EPRS1: variants seen among roughly 807,000 people sequenced by gnomAD.
The protein encoded by EPRS1 is bifunctional glutamate/proline--tRNA ligase.
Under a neutral mutation model 188.3 loss-of-function variants are expected in EPRS1, and 107 were observed. The observed-to-expected ratio is 0.57, with a 90% CI of 0.49 to 0.67. EPRS1 has a LOEUF of 0.67. Among genes scored for constraint, EPRS1 ranks in the 30% least tolerant of loss-of-function variants. The probability of loss-of-function intolerance (pLI) is 0.00; values close to 1 mark genes in which losing one functional copy is unlikely to be tolerated. For synonymous variants in EPRS1, 596 were observed against 593.1 expected, an observed-to-expected ratio of 1.00 and a Z score of -0.07; for missense variants, 1,577 against 1,802.2, an observed-to-expected ratio of 0.88 and a Z score of 2.26.
In EPRS1 at chr1:220,040,281, A is replaced by T; in HGVS notation, c.47-12T>A. The T allele has an allele frequency of 1.9e-6, 3 of 1,541,538 alleles. No individual in the cohort carries two copies. Among genetic ancestry groups the T allele is most frequent in the Non-Finnish European group, 2.7e-6 (3 of 1,123,082 alleles). On this transcript the variant is annotated splice_polypyrimidine_tract_variant and intron_variant, in intron 1 of 31. Transcript: ENST00000366923. ...TGCCAGCAAAGCTCCTATAAATAAT[A>T]TGAAAAGATTTTTTATCTTTAAAAG...
chr1:220,031,229 C>T (rs1167723385), intron 5 of EPRS1, among the ~76,000 whole-genome samples: 1 of 151,866 alleles, frequency 6.6e-6, no homozygotes, highest in Non-Finnish European at 1.5e-5. Flanking sequence ...GGAAGGAAGC[C>T]GAAATAGATT....
At chr1:219,984,328 T>A in intron 20 of EPRS1, 71 bp from the exon 21 acceptor site, 1 of 1,062,760 alleles carries the variant, frequency 9.4e-7, no homozygotes, top group East Asian at 2.4e-5. Context: ...AAAATAAACC[T>A]CTAAAGTTCA....
intron 28 of EPRS1, among the ~76,000 whole-genome samples, chr1:219,974,029 C>T (rs1382648580): frequency 4.6e-5 from 7 of 152,032 alleles, no homozygotes; most frequent in African/African-American, 1.4e-4. Flanking sequence ...CTACAACCTC[C>T]GCCTCCCAAG....
intron 5 of EPRS1, among the ~76,000 whole-genome samples, chr1:220,030,819 C>T (rs1003839222): frequency 6.6e-5 from 10 of 152,080 alleles, no homozygotes; most frequent in South Asian, 2.1e-4. Flanking sequence ...ATGCTAGGCA[C>T]GGTGGTTCAT....
chr1:219,979,434 C>T lies in EPRS1; in HGVS notation c.3893G>A (p.Arg1298His), dbSNP rs745550037. 2.0e-5 allele frequency: 33 copies of T among 1,612,200 alleles called. No homozygotes were observed. The highest frequency in any genetic ancestry group is 3.3e-5 in the South Asian group (3 of 91,026). ...TTTCCTTACCTGAACACATGCTACA[C>T]GGGGTGGTAATACTAAACCCATGTT... The part of the protein sequence containing the change: ...GDNMGLVLPP[R>H]VACVQVVIIP... The change falls in exon 27 of 32, where the codon CGT becomes CAT. Residue 1298 changes from arginine (R) to histidine (H), a missense_variant. Arg to His is a conservative substitution (Grantham distance 29, BLOSUM62 0). Transcript: ENST00000366923.
chr1:220,010,822 AAAAG>A (rs1558054529), intron 13 of EPRS1, 120 bp downstream of exon 13: 3 of 460,956 alleles, frequency 6.5e-6, no homozygotes, highest in Non-Finnish European at 1.2e-5. Context: ...AAAAAAAAAA[AAAAG>A]AAAGAAAGAA....
At chr1:219,995,122 GATTT>G (rs1356772976) in intron 18 of EPRS1, among the ~76,000 whole-genome samples, 1 of 152,172 alleles carries the variant, frequency 6.6e-6, no homozygotes, top group African/African-American at 2.4e-5. Flanking sequence ...ACTGAAGTCA[GATTT>G]ATTTCAGTAT....
At chr1:219,969,292 A>G in intron 30 of EPRS1, 170 bp from the exon 31 acceptor site, 1 of 602,518 alleles carries the variant, frequency 1.7e-6, no homozygotes. Context: ...CTCAGTTATA[A>G]AAGATAGGAA....
At chr1:220,038,581 G>A (rs1442304725) in intron 2 of EPRS1, among the ~76,000 whole-genome samples, 2 of 150,818 alleles carry the variant, frequency 1.3e-5, no homozygotes, top group African/African-American at 4.9e-5. Context: ...ATTTTACTAT[G>A]TTGCCCAGGC....
chr1:219,994,321 G>A (rs1661184455), intron 18 of EPRS1, among the ~76,000 whole-genome samples: 1 of 152,072 alleles, frequency 6.6e-6, no homozygotes, highest in Admixed American at 6.6e-5. Context: ...CTTATCCAGG[G>A]CTGGTTCCTG....
At chr1:220,044,425 AC>A (rs1370168474) in intron 1 of EPRS1, among the ~76,000 whole-genome samples, 1 of 152,144 alleles carries the variant, frequency 6.6e-6, no homozygotes, top group Non-Finnish European at 1.5e-5. Context: ...TTTCTAAGTA[AC>A]AAAAAATGTA....
At chr1:220,015,192 C>T (rs1339653613) in intron 12 of EPRS1, among the ~76,000 whole-genome samples, 1 of 152,146 alleles carries the variant, frequency 6.6e-6, no homozygotes, top group Non-Finnish European at 1.5e-5. Context: ...AAGCCGGGCA[C>T]AGTGGCACAC....
intron 29 of EPRS1, 39 bp from the exon 30 acceptor site, chr1:219,972,186 C>T (rs1013887606): frequency 7.7e-7 from 1 of 1,290,394 alleles, no homozygotes; most frequent in Non-Finnish European, 1.1e-6. Context: ...TAATTGTTCT[C>T]ACAAATATGA....
At chr1:220,001,609 T>A (rs1028613004) in intron 16 of EPRS1, among the ~76,000 whole-genome samples, 8 of 152,320 alleles carry the variant, frequency 5.3e-5, no homozygotes, top group Admixed American at 4.6e-4. Flanking sequence ...AGTGCTGGGA[T>A]AACAGGTGTG....
chr1:220,000,134 T>C (rs768763054), intron 17 of EPRS1, among the ~76,000 whole-genome samples: 11 of 152,228 alleles, frequency 7.2e-5, no homozygotes, highest in African/African-American at 1.4e-4. Context: ...CGGTATGTGA[T>C]TTTGCAGAAC....
chr1:220,041,501 C>T (rs1662293820), intron 1 of EPRS1, among the ~76,000 whole-genome samples: 1 of 152,140 alleles, frequency 6.6e-6, no homozygotes, highest in African/African-American at 2.4e-5. Context: ...GTAAAATGGC[C>T]TCTTGACACT....
At chr1:220,016,055 A>G (rs1661703664) in intron 12 of EPRS1, among the ~76,000 whole-genome samples, 1 of 152,170 alleles carries the variant, frequency 6.6e-6, no homozygotes, top group Non-Finnish European at 1.5e-5. Context: ...TGGAGACAGA[A>G]AAGTATGCAG....
chr1:220,041,048 T>G (rs1359393500), intron 1 of EPRS1, among the ~76,000 whole-genome samples: 1 of 151,656 alleles, frequency 6.6e-6, no homozygotes, highest in Admixed American at 6.6e-5. Context: ...AGAGTTAGAT[T>G]CAAAGGACAT....
At chr1:220,044,206 G>A (rs74726306) in intron 1 of EPRS1, among the ~76,000 whole-genome samples, 1,608 of 152,202 alleles carry the variant, frequency 0.011, 29 homozygotes, top group African/African-American at 0.037. Context: ...ATTTTAAAAT[G>A]TTTCATCTAA....
Sources: allele counts gnomAD v4.1 joint callset (sites outside exome capture counted in the v4.1 genomes callset), GRCh38; gene constraint gnomAD v4.1.1; transcripts MANE v1.5; gene names NCBI Gene and HGNC (gene_info 2026-07-23, HGNC 2026-07-21).